HCFC2: variants seen among roughly 807,000 people sequenced by gnomAD.
HCFC2 encodes the protein host cell factor C2.
HCFC2 carries 18 observed loss-of-function variants against 89.2 expected under a neutral mutation model. The ratio of observed to expected loss-of-function variants is 0.20; its 90% confidence interval spans 0.14 to 0.30. The LOEUF (loss-of-function observed/expected upper bound fraction) is 0.30, where lower values mean the gene tolerates loss of function less well. HCFC2 is among the 10% of genes least tolerant of loss of function. The pLI, the probability that HCFC2 is intolerant of heterozygous loss-of-function variation, is 1.00. For missense variants in HCFC2, 578 were observed against 956.1 expected (o/e 0.60, Z 5.21); for synonymous variants, 308 against 335.7 (o/e 0.92, Z 0.90).
chr12:104,083,825 A>G (rs1332107339), intron 7 of HCFC2, among the ~76,000 whole-genome samples: 2 of 152,168 alleles, frequency 1.3e-5, no homozygotes, highest in Non-Finnish European at 2.9e-5. Context: ...CATGAGTTCA[A>G]GACAAGCCCA....
At chr12:104,074,268 A>C (rs781648551) in intron 3 of HCFC2, among the ~76,000 whole-genome samples, 2 of 152,162 alleles carry the variant, frequency 1.3e-5, no homozygotes, top group African/African-American at 2.4e-5. Flanking sequence ...CCTCTTGAGT[A>C]GCCAGCTGGG....
At chr12:104,076,194 G>C (rs565084194) in intron 3 of HCFC2, among the ~76,000 whole-genome samples, 1 of 152,266 alleles carries the variant, frequency 6.6e-6, no homozygotes, top group East Asian at 1.9e-4. Context: ...ATGTTGCTCA[G>C]GCTGGATAAC....
At chr12:104,078,264 G>T (rs1793667625) in intron 3 of HCFC2, among the ~76,000 whole-genome samples, 1 of 152,180 alleles carries the variant, frequency 6.6e-6, no homozygotes, top group South Asian at 2.1e-4. Flanking sequence ...GCCTCCCAAA[G>T]TGCTGGGATT....
At chr12:104,069,159 T>G (rs780893467) in intron 3 of HCFC2, among the ~76,000 whole-genome samples, 11 of 152,146 alleles carry the variant, frequency 7.2e-5, no homozygotes, top group Middle Eastern at 3.4e-3. Context: ...TACAAAAAAT[T>G]AGCTGGGCAT....
chr12:104,093,732 G>A (rs1029332950), intron 10 of HCFC2, among the ~76,000 whole-genome samples, 169 bp downstream of exon 10: 1 of 150,908 alleles, frequency 6.6e-6, no homozygotes, highest in Non-Finnish European at 1.5e-5. Context: ...GCACTTACCT[G>A]AACAGTAATG....
rs528213299 is a variant in HCFC2 at position 104,077,061 on chromosome 12, A to G, written c.474-2384A>G. On this transcript the variant is annotated intron_variant, in intron 3 of 14. Transcript: ENST00000229330. ...ATAATTTTTATTTCCTGTTCTGTGA[A>G]CTGTCAGTTTATATCTTTTTATCTG... 5.9e-5 allele frequency among the ~76,000 whole-genome samples: 9 copies of G among 152,000 alleles called. No homozygotes were observed. The East Asian group carries it at 1.5e-3, about 26-fold the overall frequency.
rs779205414 is a variant in HCFC2 at position 104,103,323 on chromosome 12, T to C, written c.*50T>C. ...GTGATGATGATTATTTATTAGTAAC[T>C]GGTTATGAAGATTTGTCATTTAAAA... is the stretch of plus-strand genomic sequence containing the variant. On this transcript the variant is annotated 3_prime_UTR_variant, in exon 15 of 15. Coordinates refer to ENST00000229330, the MANE Select transcript of HCFC2 (RefSeq NM_013320.3). 16 of 1,417,084 alleles carry C rather than the reference T, an allele frequency of 1.1e-5. No homozygotes were observed. The highest frequency in any genetic ancestry group is 1.6e-5 in the Non-Finnish European group (16 of 1,025,014). The allele number at this position is 1,417,084 out of a possible 1,614,324, so 87.8% of individuals were successfully genotyped here.
At chr12:104,101,862 A>G (rs1306490909) in intron 13 of HCFC2, 106 bp from the exon 14 acceptor site, 2 of 670,070 alleles carry the variant, frequency 3.0e-6, no homozygotes, top group Admixed American at 3.4e-5. Context: ...TTAAAACATA[A>G]TTTATTCTTT....
intron 4 of HCFC2, 128 bp downstream of exon 4, chr12:104,079,781 T>C (rs1286160247): frequency 5.8e-6 from 4 of 687,972 alleles, no homozygotes; most frequent in Non-Finnish European, 1.0e-5. Flanking sequence ...CCAGGGACAG[T>C]GTATGTGTGA....
intron 13 of HCFC2, among the ~76,000 whole-genome samples, chr12:104,098,990 A>T (rs1274881758): frequency 6.6e-6 from 1 of 150,940 alleles, no homozygotes; most frequent in Non-Finnish European, 1.5e-5. Flanking sequence ...ACAGTGTAAG[A>T]CTCCATCTAA....
intron 11 of HCFC2, 50 bp from the exon 12 acceptor site, chr12:104,096,310 G>A (rs745812778): frequency 7.2e-5 from 89 of 1,228,752 alleles, no homozygotes; most frequent in Middle Eastern, 3.9e-4. Flanking sequence ...ATATTTTAAT[G>A]TATCTGATAA....
At chr12:104,072,186 A>G (rs896592768) in intron 3 of HCFC2, among the ~76,000 whole-genome samples, 10 of 152,204 alleles carry the variant, frequency 6.6e-5, no homozygotes, top group Admixed American at 2.0e-4. Context: ...AGCCTGGGCA[A>G]CATGGCAAGA....
intron 4 of HCFC2, among the ~76,000 whole-genome samples, chr12:104,079,938 T>A (rs1044671523): frequency 2.0e-5 from 3 of 152,224 alleles, no homozygotes; most frequent in Non-Finnish European, 4.4e-5. Flanking sequence ...TGTGTAATTA[T>A]CAATAGTACA....
chr12:104,097,482 G>A (rs1458342267), intron 12 of HCFC2: 2 of 158,898 alleles, frequency 1.3e-5, no homozygotes, highest in Admixed American at 6.6e-5. Flanking sequence ...ATGAAAACAA[G>A]TTTAAAGCTA....
intron 13 of HCFC2, among the ~76,000 whole-genome samples, chr12:104,098,925 G>A (rs1359314862): frequency 1.3e-5 from 2 of 151,806 alleles, no homozygotes; most frequent in African/African-American, 2.4e-5. Flanking sequence ...GCATGAACCC[G>A]GGAGGTGGAG....
chr12:104,103,364 G>A lies in HCFC2; in HGVS notation c.*91G>A. ...TCATTTAAAAGAGTATTCTCTGGCTGTATTTCCAGCAGTTATGAACTTGAG... is the reference window on the plus strand; with the variant it reads ...TCATTTAAAAGAGTATTCTCTGGCTATATTTCCAGCAGTTATGAACTTGAG... On this transcript the variant is annotated 3_prime_UTR_variant, in exon 15 of 15. Coordinates refer to ENST00000229330, the MANE Select transcript of HCFC2 (RefSeq NM_013320.3). 1.9e-6 allele frequency: 2 copies of A among 1,066,346 alleles called. No individual in the cohort carries two copies. The highest frequency in any genetic ancestry group is 2.5e-5 in the East Asian group (1 of 39,468). The allele number at this position is 1,066,346 out of a possible 1,614,324, so 66.1% of individuals were successfully genotyped here.
In HCFC2 at chr12:104,102,136, G is replaced by T. The variant is rs1197780271; in HGVS notation, c.2047G>T (p.Ala683Ser). 1 of 1,613,334 alleles carries T rather than the reference G, an allele frequency of 6.2e-7. No homozygotes were observed. The highest frequency in any genetic ancestry group is 1.7e-5 in the Admixed American group (1 of 59,996). ...TCCTGGTTTTCCTGGAGCTCCTTCT[G>T]CAGTCAGAATTTCAAAGGTGAGACA... is the stretch of plus-strand genomic sequence containing the variant. The part of the protein sequence containing the change: ...CIPGFPGAPS[A>S]VRISKNVEGI... The change falls in exon 14 of 15, where the codon GCA becomes TCA. Residue 683 changes from alanine (A) to serine (S), a missense_variant. This residue lies in a region of HCFC2 where 140 missense variants were observed against 266.4 expected (regional missense o/e 0.53). Transcript: ENST00000229330.
intron 9 of HCFC2, chr12:104,090,944 A>G (rs887438501): frequency 6.6e-6 from 1 of 152,138 alleles, no homozygotes; most frequent in African/African-American, 2.4e-5. Flanking sequence ...CAACAAATGT[A>G]AGTATCAGTG....
chr12:104,092,073 A>C (rs1313147335), intron 9 of HCFC2, among the ~76,000 whole-genome samples: 1 of 152,236 alleles, frequency 6.6e-6, no homozygotes, highest in Non-Finnish European at 1.5e-5. Context: ...AAGAACAACA[A>C]TATTAGGGTA....
Sources: allele counts gnomAD v4.1 joint callset (sites outside exome capture counted in the v4.1 genomes callset), GRCh38; gene constraint gnomAD v4.1.1; regional missense constraint gnomAD v4.1.1; transcripts MANE v1.5; gene names NCBI Gene and HGNC (gene_info 2026-07-23, HGNC 2026-07-21).